Variants in MAP4K3 observed in about 807,000 individuals in gnomAD.
MAP4K3 encodes mitogen-activated protein kinase kinase kinase kinase 3.
Under a neutral mutation model 143.5 loss-of-function variants are expected in MAP4K3, and 94 were observed. The ratio of observed to expected loss-of-function variants is 0.65; its 90% CI spans 0.55 to 0.78. The LOEUF is 0.78. Among genes scored for constraint, MAP4K3 ranks in the 30% least tolerant of loss-of-function variants. The pLI, the probability that MAP4K3 is intolerant of heterozygous loss-of-function variation, is 0.00. For missense variants in MAP4K3, 1,077 were observed against 1,068.1 expected, an observed-to-expected ratio of 1.01 and a Z score of -0.12; for synonymous variants, 416 against 347.2, an observed-to-expected ratio of 1.20 and a Z score of -2.20.
intron 1 of MAP4K3, among the ~76,000 whole-genome samples, chr2:39,392,516 C>A (rs2148597500): frequency 6.6e-6 from 1 of 152,300 alleles, no homozygotes; most frequent in East Asian, 1.9e-4. Flanking sequence ...CAAGGCTGGG[C>A]TTCAGTGAGC....
chr2:39,308,182 T>C (rs1438699734), intron 14 of MAP4K3, among the ~76,000 whole-genome samples, 177 bp from the exon 15 acceptor site: 2 of 152,194 alleles, frequency 1.3e-5, no homozygotes, highest in African/African-American at 4.8e-5. Flanking sequence ...ACAACTTTGC[T>C]CTAAAATGCA....
At chr2:39,359,610 C>T (rs1226885640) in intron 2 of MAP4K3, among the ~76,000 whole-genome samples, 6 of 152,236 alleles carry the variant, frequency 3.9e-5, no homozygotes, top group African/African-American at 1.2e-4. Flanking sequence ...AGCAGAACCA[C>T]GAGGGCTCCA....
intron 1 of MAP4K3, among the ~76,000 whole-genome samples, chr2:39,428,787 G>C (rs1359560943): frequency 6.6e-6 from 1 of 151,598 alleles, no homozygotes; most frequent in Non-Finnish European, 1.5e-5. Flanking sequence ...AGGAGTCCAT[G>C]GGCCGGGTGC....
chr2:39,397,398 A>G (rs1280751009), intron 1 of MAP4K3, among the ~76,000 whole-genome samples: 1 of 152,226 alleles, frequency 6.6e-6, no homozygotes, highest in Non-Finnish European at 1.5e-5. Context: ...TAGCAACTAA[A>G]TATTTGTATA....
In MAP4K3 at chr2:39,258,410, C is replaced by T. The variant is rs1573061180; in HGVS notation, c.2408G>A (p.Arg803Lys). ...CCIKIVNLQG[R>K]LKSSRKLSSE... ...TGACAATTTCCTGCTAGATTTTAATCTTCCTTGGAGATTTACTATTTTTAT... is the reference window on the plus strand; with the variant it reads ...TGACAATTTCCTGCTAGATTTTAATTTTCCTTGGAGATTTACTATTTTTAT... Residue 803 changes from arginine to lysine, a missense_variant, in exon 31 of 34, where the codon AGA becomes AAA. Around this residue, in one of 2 missense-constraint regions of MAP4K3, gnomAD observed 864 missense variants for 801.2 expected, o/e 1.08. Coordinates refer to ENST00000263881, the MANE Select transcript of MAP4K3 (RefSeq NM_003618.4). 2 of 1,611,316 alleles carry T rather than the reference C, an allele frequency of 1.2e-6. No homozygotes were observed. Among genetic ancestry groups the T allele is most frequent in the African/African-American group, 1.3e-5 (1 of 74,912 alleles).
At chr2:39,393,267 T>G (rs1558684610) in intron 1 of MAP4K3, among the ~76,000 whole-genome samples, 1 of 152,190 alleles carries the variant, frequency 6.6e-6, no homozygotes, top group African/African-American at 2.4e-5. Context: ...ATGTGTAAAA[T>G]AAACAGAATG....
rs151124092 is a variant in MAP4K3 at position 39,251,390 on chromosome 2, A to G, written c.2597+440T>C. Among the ~76,000 whole-genome samples the G allele has an allele frequency of 2.9e-4, 44 of 152,332 alleles. 1 individual carries two copies. In the East Asian group the frequency reaches 8.5e-3, roughly 29 times the overall value. ...CTTTTAAGAGAATTCAGCTGCCTTC[A>G]GCCAAATCTTTTACTGAAGCTATGC... On this transcript the variant is annotated intron_variant, in intron 33 of 33. Coordinates refer to ENST00000263881, the MANE Select transcript of MAP4K3 (RefSeq NM_003618.4).
At chr2:39,370,439 C>T (rs181340592) in intron 2 of MAP4K3, among the ~76,000 whole-genome samples, 104 of 152,240 alleles carry the variant, frequency 6.8e-4, no homozygotes, top group African/African-American at 2.0e-3. Context: ...CCCAATGTTT[C>T]GCCACTCTAT....
intron 2 of MAP4K3, among the ~76,000 whole-genome samples, chr2:39,369,887 C>T (rs80337044): frequency 2.0e-5 from 3 of 152,210 alleles, no homozygotes; most frequent in African/African-American, 7.2e-5. Context: ...CAGCCATCAC[C>T]GTTCCTTACT....
chr2:39,267,865 C>CT (rs1423723847), intron 26 of MAP4K3, among the ~76,000 whole-genome samples: 2 of 151,956 alleles, frequency 1.3e-5, no homozygotes, highest in South Asian at 2.1e-4. Context: ...TTTTAATTGG[C>CT]TTTTTTGCCC....
intron 15 of MAP4K3, among the ~76,000 whole-genome samples, chr2:39,302,452 GAAA>G (rs1348914250): frequency 6.6e-6 from 1 of 152,134 alleles, no homozygotes; most frequent in Non-Finnish European, 1.5e-5. Flanking sequence ...ATCGGATAGG[GAAA>G]ATGACAAGAA....
At chr2:39,325,877 T>G in intron 10 of MAP4K3, 22 bp downstream of exon 10, 1 of 1,563,052 alleles carries the variant, frequency 6.4e-7, no homozygotes, top group South Asian at 1.2e-5. Context: ...ACCATAAAAG[T>G]AAATAACATA....
intron 2 of MAP4K3, among the ~76,000 whole-genome samples, chr2:39,377,006 A>T (rs904579097): frequency 6.6e-6 from 1 of 152,066 alleles, no homozygotes; most frequent in East Asian, 1.9e-4. Flanking sequence ...TAACTGGAAA[A>T]TTTTTTTAAT....
At chr2:39,375,346 G>A (rs2148577439) in intron 2 of MAP4K3, among the ~76,000 whole-genome samples, 1 of 152,026 alleles carries the variant, frequency 6.6e-6, no homozygotes, top group Admixed American at 6.5e-5. Context: ...AATAAAACCG[G>A]AGTCTACTCA....
intron 13 of MAP4K3, among the ~76,000 whole-genome samples, chr2:39,314,725 T>G (rs1310147259): frequency 6.6e-6 from 1 of 152,248 alleles, no homozygotes; most frequent in African/African-American, 2.4e-5. Flanking sequence ...ATGAATGGCT[T>G]GTCTTAGTGG....
In MAP4K3 at chr2:39,313,313, CA is replaced by C. The variant is rs765791606; in HGVS notation, c.997+1996del. ...GGGTTTATTGTACAGATTATTTCGT[CA>C]CCCAGGTACTAAGCCTAGTACCCAA... On this transcript the variant is annotated intron_variant, in intron 13 of 33. Coordinates refer to ENST00000263881, the MANE Select transcript of MAP4K3 (RefSeq NM_003618.4). Among the ~76,000 whole-genome samples, 5 of 152,098 alleles carry C rather than the reference CA, an allele frequency of 3.3e-5. No individual in the cohort carries two copies. The South Asian group carries it at 8.3e-4, about 25-fold the overall frequency.
chr2:39,313,624 T>C (rs1683016499), intron 13 of MAP4K3, among the ~76,000 whole-genome samples: 1 of 152,150 alleles, frequency 6.6e-6, no homozygotes, highest in Non-Finnish European at 1.5e-5. Context: ...GCGAGTTTCC[T>C]GCCTCAGCCT....
intron 32 of MAP4K3, among the ~76,000 whole-genome samples, chr2:39,253,365 C>T (rs1470167512): frequency 6.6e-6 from 1 of 152,156 alleles, no homozygotes; most frequent in African/African-American, 2.4e-5. Context: ...ATCTCTTGAC[C>T]TTGTGATCCG....
chr2:39,337,803 C>T (rs1031305993), intron 4 of MAP4K3, among the ~76,000 whole-genome samples: 1 of 116,654 alleles, frequency 8.6e-6, no homozygotes, highest in Non-Finnish European at 1.7e-5. Flanking sequence ...CATTATGTCA[C>T]CCAGGCTGGA....
Sources: allele counts gnomAD v4.1 joint callset (sites outside exome capture counted in the v4.1 genomes callset), GRCh38; gene constraint gnomAD v4.1.1; regional missense constraint gnomAD v4.1.1; transcripts MANE v1.5; gene names NCBI Gene and HGNC (gene_info 2026-07-23, HGNC 2026-07-21).